The following NPAS2 variants were observed in gnomAD, a reference collection of about 807,000 sequenced individuals.
The protein encoded by NPAS2 is neuronal PAS domain protein 2.
NPAS2 carries 23 observed loss-of-function variants against 107.5 expected under a neutral mutation model. The observed-to-expected ratio is 0.21, with a 90% CI of 0.15 to 0.30. The LOEUF (loss-of-function observed/expected upper bound fraction) is 0.30. Among genes scored for constraint, NPAS2 ranks in the 10% least tolerant of loss-of-function variants. NPAS2 has a pLI of 1.00. For synonymous variants in NPAS2, 403 were observed against 417.5 expected, an observed-to-expected ratio of 0.97 and a Z score of 0.42; for missense variants, 756 against 1,043.3, an observed-to-expected ratio of 0.72 and a Z score of 3.79.
intron 1 of NPAS2, among the ~76,000 whole-genome samples, chr2:100,903,540 C>G (rs1681930890): frequency 6.6e-6 from 1 of 152,214 alleles, no homozygotes; most frequent in East Asian, 1.9e-4. Context: ...GATTGATTGG[C>G]TCCATTGAAA....
intron 7 of NPAS2, among the ~76,000 whole-genome samples, chr2:100,963,654 G>A (rs568353992): frequency 6.6e-6 from 1 of 152,298 alleles, no homozygotes; most frequent in Non-Finnish European, 1.5e-5. Context: ...GGCCTCAAGT[G>A]ATCTTCCCGC....
At chr2:100,923,467 G>T (rs1328773627) in intron 2 of NPAS2, among the ~76,000 whole-genome samples, 1 of 152,166 alleles carries the variant, frequency 6.6e-6, no homozygotes, top group Non-Finnish European at 1.5e-5. Flanking sequence ...CTAGGGAAAG[G>T]GTTTTGGAAA....
Position 100,968,561 on chromosome 2 carries a change from G to A in NPAS2, c.1055+133G>A. ...TTCCCCATTTCGAAGATGAAGCCCA[G>A]GCCATCCCCTGCCGTTAACAGCACA... On this transcript the variant is annotated intron_variant, in intron 11 of 20. Coordinates refer to ENST00000335681, the MANE Select transcript of NPAS2 (RefSeq NM_002518.4). This position sits in a 1 kb window ranked among gnomAD's most constrained non-coding sequence, Gnocchi z 5.3. The A allele has an allele frequency of 1.2e-6, 1 of 819,156 alleles. No individual in the cohort carries two copies. Among genetic ancestry groups the A allele is most frequent in the Non-Finnish European group, 1.9e-6 (1 of 530,078 alleles). The allele number at this position is 819,156 out of a possible 1,614,324, so 50.7% of individuals were successfully genotyped here.
intron 7 of NPAS2, among the ~76,000 whole-genome samples, chr2:100,956,975 C>T (rs893909767): frequency 6.6e-6 from 1 of 152,226 alleles, no homozygotes; most frequent in African/African-American, 2.4e-5. Context: ...CCCCTCTCCT[C>T]TGCCCCCATT....
intron 7 of NPAS2, among the ~76,000 whole-genome samples, chr2:100,963,315 A>G (rs151001290): frequency 3.3e-5 from 5 of 152,372 alleles, no homozygotes; most frequent in African/African-American, 1.2e-4. Flanking sequence ...AACACTGATT[A>G]TAGAATTCAC....
chr2:100,915,316 G>A (rs1378602020), intron 2 of NPAS2, among the ~76,000 whole-genome samples: 1 of 152,174 alleles, frequency 6.6e-6, no homozygotes, highest in Non-Finnish European at 1.5e-5. Flanking sequence ...CGCAGATGTA[G>A]GTAGTATGAG....
chr2:100,994,108 A>G (rs1457172631), intron 20 of NPAS2: 1 of 152,312 alleles, frequency 6.6e-6, no homozygotes, highest in African/African-American at 2.4e-5. Flanking sequence ...CGTGGGAGCC[A>G]CACGTCTGCG....
chr2:100,936,212 A>C (rs996591042), intron 4 of NPAS2, among the ~76,000 whole-genome samples: 1 of 152,210 alleles, frequency 6.6e-6, no homozygotes, highest in East Asian at 1.9e-4. Flanking sequence ...GGTGCCCTTC[A>C]TGCACTGCTC....
chr2:100,995,177 A>G, intron 20 of NPAS2: 1 of 468,942 alleles, frequency 2.1e-6, no homozygotes, highest in Non-Finnish European at 3.7e-6. Context: ...TGCCCCCACT[A>G]TTGGCGGAGA....
intron 1 of NPAS2, among the ~76,000 whole-genome samples, chr2:100,903,097 G>C (rs993340805): frequency 6.6e-6 from 1 of 152,244 alleles, no homozygotes; most frequent in Non-Finnish European, 1.5e-5. Flanking sequence ...AGGAGCTCAG[G>C]AGAGTGGACT....
chr2:100,876,516 A>T (rs1679979367), intron 1 of NPAS2, among the ~76,000 whole-genome samples: 1 of 152,174 alleles, frequency 6.6e-6, no homozygotes. Context: ...GGGGCCCAGG[A>T]ATCTGTATTT....
rs1347517589 is a variant in NPAS2 at position 100,982,299 on chromosome 2, G to A, written c.1551G>A (p.Gln517=). 2.7e-5 allele frequency: 44 copies of A among 1,614,086 alleles called. No homozygotes were observed. The highest frequency in any genetic ancestry group is 3.6e-5 in the Non-Finnish European group (42 of 1,180,044). Residue 517 remains glutamine, a synonymous_variant, in exon 16 of 21, where the codon CAG becomes CAA. Transcript: ENST00000335681. ...DQLEQRTRIL[Q]ANIRWQQEEL... is the part of the protein sequence containing the mutation. Reference sequence around the variant, plus strand: ...TAGAGCAGCGGACGCGGATCCTGCAGGCCAATATCCGGTGGCAACAGGAAG... The same window carrying A: ...TAGAGCAGCGGACGCGGATCCTGCAAGCCAATATCCGGTGGCAACAGGAAG...
chr2:100,988,390 C>G, intron 17 of NPAS2, 114 bp downstream of exon 17: 1 of 841,268 alleles, frequency 1.2e-6, no homozygotes, highest in Non-Finnish European at 1.9e-6. Flanking sequence ...CTGCCCTGTT[C>G]CGTTATGGAC....
intron 1 of NPAS2, among the ~76,000 whole-genome samples, chr2:100,890,018 C>T (rs7564495): frequency 0.21 from 31,533 of 151,920 alleles, 4,021 homozygotes; most frequent in Non-Finnish European, 0.28. Context: ...CTTGCGTGCA[C>T]ACCCTCCTCC....
chr2:100,993,446 C>T lies in NPAS2; in HGVS notation c.2211C>T (p.Leu737=), dbSNP rs1052190230. Residue 737 remains leucine (L), a synonymous_variant, in exon 20 of 21, where the codon CTC becomes CTT. Transcript: ENST00000335681. Reference sequence around the variant, plus strand: ...TCCTGCTGATGGGGCAGGCGGTGCTCCACCCCAGCTTCCCTGCCTCCCAAC... The same window carrying T: ...TCCTGCTGATGGGGCAGGCGGTGCTTCACCCCAGCTTCCCTGCCTCCCAAC... ...MPVLLMGQAV[L]HPSFPASQPS... 6.2e-6 allele frequency: 10 copies of T among 1,613,144 alleles called. No homozygotes were observed. The highest frequency in any genetic ancestry group is 8.5e-6 in the Non-Finnish European group (10 of 1,179,632).
chr2:100,852,757 C>T (rs1364702102), intron 1 of NPAS2, among the ~76,000 whole-genome samples: 4 of 152,194 alleles, frequency 2.6e-5, no homozygotes, highest in Admixed American at 1.3e-4. Context: ...TTCAGAGCTA[C>T]AGGAGAAAAA....
chr2:100,995,782 C>T lies in NPAS2; in HGVS notation c.*200C>T. ...ATGATCAGGAATACTGACCGTGTTT[C>T]TCTTGCCTCCGAGGTTCTTGGGCAC... On this transcript the variant is annotated 3_prime_UTR_variant, in exon 21 of 21. Transcript: ENST00000335681. 1 of 1,548,744 alleles carries T rather than the reference C, an allele frequency of 6.5e-7. No individual in the cohort carries two copies. Among genetic ancestry groups the T allele is most frequent in the Non-Finnish European group, 8.7e-7 (1 of 1,146,332 alleles).
chr2:100,858,343 C>T (rs1558814297), intron 1 of NPAS2, among the ~76,000 whole-genome samples: 1 of 152,184 alleles, frequency 6.6e-6, no homozygotes, highest in Non-Finnish European at 1.5e-5. Flanking sequence ...AGTCTCTTGC[C>T]CTTGTCTCTC....
At chr2:100,930,088 A>G (rs17717414) in intron 3 of NPAS2, among the ~76,000 whole-genome samples, 25,153 of 152,248 alleles carry the variant, frequency 0.17, 2,266 homozygotes, top group Middle Eastern at 0.27. Flanking sequence ...TGTAAATAGC[A>G]GGACATATTG....
Sources: gnomAD v4.1 joint callset for allele counts (sites outside exome capture counted in the v4.1 genomes callset) on GRCh38, gnomAD v4.1.1 for gene constraint, Gnocchi (gnomAD v3.1) non-coding constraint, MANE v1.5 for transcripts, NCBI Gene and HGNC (gene_info 2026-07-23, HGNC 2026-07-21) for gene names.